The following RBFOX1 variants were observed in gnomAD, a reference collection of about 807,000 sequenced individuals.
RBFOX1 encodes the protein RNA binding fox-1 homolog 1, also known as RNA binding protein fox-1 homolog 1.
Under a neutral mutation model 57.7 loss-of-function variants are expected in RBFOX1, and 8 were observed. The ratio of observed to expected loss-of-function variants is 0.14; its 90% CI spans 0.08 to 0.25. The LOEUF (loss-of-function observed/expected upper bound fraction) is 0.25, where lower values mean the gene tolerates loss of function less well. RBFOX1 is among the 10% of genes least tolerant of loss of function. The pLI is 1.00. For synonymous variants in RBFOX1, 326 were observed against 222.4 expected (o/e 1.47, Z -4.15); for missense variants, 611 against 548.5 (o/e 1.11, Z -1.14).
chr16:6,270,556 C>T (rs934766184), intron 1 of RBFOX1, among the ~76,000 whole-genome samples: 1 of 150,660 alleles, frequency 6.6e-6, no homozygotes, highest in African/African-American at 2.4e-5. Context: ...AATGTGCACT[C>T]ATTAAACACA....
At chr16:6,439,963 G>A (rs1463418704) in intron 2 of RBFOX1, among the ~76,000 whole-genome samples, 1 of 83,858 alleles carries the variant, frequency 1.2e-5, no homozygotes, top group Non-Finnish European at 2.4e-5. Context: ...TTGGGACTTA[G>A]GTGGCCATTA....
At chr16:6,899,602 T>C (rs2067945703) in intron 3 of RBFOX1, among the ~76,000 whole-genome samples, 1 of 152,324 alleles carries the variant, frequency 6.6e-6, no homozygotes, top group Admixed American at 6.5e-5. Context: ...AGCTCCAGAA[T>C]GCTGTCAGCC....
At chr16:7,692,355 C>T (rs986229115) in intron 14 of RBFOX1, among the ~76,000 whole-genome samples, 3 of 152,088 alleles carry the variant, frequency 2.0e-5, no homozygotes, top group Admixed American at 1.3e-4. Context: ...CCTCTTGCAA[C>T]AGTAAAACTT....
intron 4 of RBFOX1, among the ~76,000 whole-genome samples, chr16:7,394,595 C>G (rs181188553): frequency 1.3e-5 from 2 of 152,270 alleles, no homozygotes; most frequent in African/African-American, 4.8e-5. Context: ...GTCATAGCCT[C>G]TCTACTGTAC....
intron 1 of RBFOX1, among the ~76,000 whole-genome samples, chr16:6,070,338 A>G (rs2095820779): frequency 6.6e-6 from 1 of 152,212 alleles, no homozygotes; most frequent in Non-Finnish European, 1.5e-5. Flanking sequence ...CTTAGCGTTG[A>G]GCATTTTAAA....
chr16:7,066,805 A>G (rs775924514), intron 4 of RBFOX1, among the ~76,000 whole-genome samples: 10 of 152,194 alleles, frequency 6.6e-5, no homozygotes, highest in African/African-American at 9.7e-5. Context: ...GTTTGGTTCA[A>G]TAAGAGGAGC....
intron 4 of RBFOX1, among the ~76,000 whole-genome samples, chr16:7,245,546 A>G (rs534038367): frequency 6.6e-6 from 1 of 152,360 alleles, no homozygotes; most frequent in South Asian, 2.1e-4. Context: ...TATTTTCATA[A>G]TCAACAAGAC....
At chr16:7,187,278 TTAAAG>T (rs1284440340) in intron 4 of RBFOX1, among the ~76,000 whole-genome samples, 2 of 151,630 alleles carry the variant, frequency 1.3e-5, no homozygotes, top group African/African-American at 4.9e-5. Context: ...ATATAAATAA[TTAAAG>T]TAATTTTTTC....
At chr16:6,340,691 T>A (rs975554399) in intron 2 of RBFOX1, among the ~76,000 whole-genome samples, 16 of 152,204 alleles carry the variant, frequency 1.1e-4, no homozygotes, top group Admixed American at 1.0e-3. Context: ...GCTTCTTTAC[T>A]GCAACCTGTT....
At chr16:6,808,127 A>T (rs1179458017) in intron 3 of RBFOX1, among the ~76,000 whole-genome samples, 1 of 147,456 alleles carries the variant, frequency 6.8e-6, no homozygotes, top group Non-Finnish European at 1.5e-5. Flanking sequence ...ATATGCATAG[A>T]ACTATATATA....
chr16:7,480,515 GT>G (rs1408496954), intron 4 of RBFOX1, among the ~76,000 whole-genome samples: 1 of 151,856 alleles, frequency 6.6e-6, no homozygotes, highest in Non-Finnish European at 1.5e-5. Context: ...CACCGGCTCC[GT>G]TTAAAAAAAT....
chr16:6,113,453 G>A (rs112769718), intron 1 of RBFOX1, among the ~76,000 whole-genome samples: 1 of 152,160 alleles, frequency 6.6e-6, no homozygotes, highest in African/African-American at 2.4e-5. Context: ...AATTTTTCTG[G>A]GTGATGAAAA....
chr16:5,513,646 A>G (rs980693641), intron 2 of RBFOX1, among the ~76,000 whole-genome samples: 3 of 152,122 alleles, frequency 2.0e-5, no homozygotes, highest in South Asian at 2.1e-4. Context: ...ATTCCCCCAC[A>G]TTTGTTTATT....
At chr16:6,706,711 CT>C (rs33986994) in intron 3 of RBFOX1, among the ~76,000 whole-genome samples, 82,919 of 142,056 alleles carry the variant, frequency 0.58, 24,890 homozygotes, top group Middle Eastern at 0.8. Context: ...CAGCTGCAGT[CT>C]TTTTTTTTTT....
chr16:7,056,395 G>T (rs886172477), intron 4 of RBFOX1, among the ~76,000 whole-genome samples: 5 of 152,142 alleles, frequency 3.3e-5, no homozygotes, highest in Admixed American at 6.5e-5. Context: ...CTGGGGACAT[G>T]GTCAGAGGAG....
chr16:7,274,508 C>G (rs1196598271), intron 4 of RBFOX1, among the ~76,000 whole-genome samples: 2 of 152,046 alleles, frequency 1.3e-5, no homozygotes, highest in Non-Finnish European at 2.9e-5. Flanking sequence ...ATGTTGAATG[C>G]CTGAGAGTTT....
chr16:6,438,064 C>G (rs1474753334), intron 2 of RBFOX1, among the ~76,000 whole-genome samples: 1 of 152,098 alleles, frequency 6.6e-6, no homozygotes, highest in East Asian at 1.9e-4. Flanking sequence ...CTGGGGAATA[C>G]CTGGGTTAAG....
chr16:6,755,742 C>T (rs2075686273), intron 3 of RBFOX1, among the ~76,000 whole-genome samples: 1 of 152,190 alleles, frequency 6.6e-6, no homozygotes, highest in South Asian at 2.1e-4. Context: ...AAAACAACTA[C>T]TTGTCACCCC....
At chr16:5,752,368 G>C (rs7193988) in intron 3 of RBFOX1, among the ~76,000 whole-genome samples, 90,358 of 152,028 alleles carry the variant, frequency 0.59, 29,853 homozygotes, top group African/African-American at 0.9. Flanking sequence ...GTCTGTACAG[G>C]AAACCCCCAT....
Sources: gnomAD v4.1 joint callset for allele counts (sites outside exome capture counted in the v4.1 genomes callset) on GRCh38, gnomAD v4.1.1 for gene constraint, MANE v1.5 for transcripts, NCBI Gene and HGNC (gene_info 2026-07-23, HGNC 2026-07-21) for gene names.